SVIL: variants seen among roughly 807,000 people sequenced by gnomAD.
SVIL encodes the protein supervillin.
A neutral mutation model predicts 240.4 loss-of-function variants in SVIL; 101 were observed. The observed-to-expected ratio is 0.42, with a 90% CI of 0.36 to 0.50. The LOEUF is 0.50. Ranked by LOEUF, SVIL falls within the 20% of genes least tolerant of loss-of-function variation. SVIL has a pLI of 0.01. For synonymous variants in SVIL, 999 were observed against 1,100.0 expected (o/e 0.91, Z 1.82); for missense variants, 2,512 against 2,818.7 (o/e 0.89, Z 2.46).
chr10:29,647,957 A>G (rs2250492), intron 3 of SVIL, among the ~76,000 whole-genome samples: 72,108 of 142,270 alleles, frequency 0.51, 18,726 homozygotes, highest in African/African-American at 0.61. Flanking sequence ...AAATGATTAA[A>G]CTTTTGTCAA....
intron 3 of SVIL, chr10:29,657,772 T>C (rs1959049783): frequency 6.6e-6 from 1 of 152,218 alleles, no homozygotes; most frequent in Non-Finnish European, 1.5e-5. Flanking sequence ...ACCATCACAG[T>C]GGCTCAGCTC....
intron 1 of SVIL, among the ~76,000 whole-genome samples, chr10:29,723,072 C>T (rs991798005): frequency 1.3e-5 from 2 of 152,156 alleles, no homozygotes; most frequent in Admixed American, 6.5e-5. Flanking sequence ...TAAAAGTCCT[C>T]CATAAATATT....
intron 1 of SVIL, among the ~76,000 whole-genome samples, chr10:29,623,317 T>G (rs1281094698): frequency 1.3e-5 from 2 of 152,184 alleles, no homozygotes; most frequent in African/African-American, 2.4e-5. Context: ...AAGGTTAAGG[T>G]CTAATTCCTC....
At chr10:29,611,257 T>C (rs542523841) in intron 1 of SVIL, among the ~76,000 whole-genome samples, 1 of 152,194 alleles carries the variant, frequency 6.6e-6, no homozygotes, top group African/African-American at 2.4e-5. Flanking sequence ...GCTTGTTCAT[T>C]ATCTTCAGTA....
intron 16 of SVIL, among the ~76,000 whole-genome samples, chr10:29,517,682 A>G (rs1950307673): frequency 6.6e-6 from 1 of 152,162 alleles, no homozygotes; most frequent in Non-Finnish European, 1.5e-5. Flanking sequence ...AGGGCAGAAC[A>G]CCATAGAGGC....
At chr10:29,660,676 C>T (rs1959131160) in intron 2 of SVIL, among the ~76,000 whole-genome samples, 1 of 152,166 alleles carries the variant, frequency 6.6e-6, no homozygotes, top group Non-Finnish European at 1.5e-5. Flanking sequence ...CTCATCCCTC[C>T]CTCTTCTTAA....
chr10:29,551,502 G>A (rs1336222126), intron 5 of SVIL, among the ~76,000 whole-genome samples: 1 of 152,230 alleles, frequency 6.6e-6, no homozygotes, highest in Non-Finnish European at 1.5e-5. Flanking sequence ...GCCCCGTAAG[G>A]CGTGGCTTTA....
chr10:29,636,373 A>C (rs1392656006), upstream of SVIL, among the ~76,000 whole-genome samples: 3 of 152,224 alleles, frequency 2.0e-5, no homozygotes, highest in East Asian at 5.8e-4. Context: ...AGATAGGAGG[A>C]GAAAATGAAT....
intron 21 of SVIL, among the ~76,000 whole-genome samples, chr10:29,491,237 C>CACTCACTCATGCCCCT (rs1947924406): frequency 6.6e-6 from 1 of 152,176 alleles, no homozygotes; most frequent in Admixed American, 6.5e-5. Context: ...CGGATGCCCC[C>CACTCACTCATGCCCCT]ACTCACTCAT....
Position 29,458,010 on chromosome 10 carries a change from T to G in SVIL, c.*237A>C. 2 of 443,700 alleles carry G rather than the reference T, an allele frequency of 4.5e-6. No homozygotes were observed. Among genetic ancestry groups the G allele is most frequent in the Non-Finnish European group, 4.0e-6 (1 of 251,142 alleles). 27.5% of individuals were successfully genotyped at this position (443,700 alleles called of 1,614,324 possible). A position where few individuals can be genotyped will look rare whatever the true frequency, so the allele number is the denominator to read the frequency against. On this transcript the variant is annotated 3_prime_UTR_variant, in exon 38 of 38. Transcript: ENST00000355867. The stretch of plus-strand genomic sequence containing the variant: ...CTGCGGCTTAAGTGCACATAACAGA[T>G]ACTTTTATTAATTCTGATAACCTCC...
intron 17 of SVIL, among the ~76,000 whole-genome samples, chr10:29,509,207 C>T (rs2132474853): frequency 6.6e-6 from 1 of 151,906 alleles, no homozygotes; most frequent in African/African-American, 2.4e-5. Flanking sequence ...ACGAGACTCA[C>T]ACATGTTTAA....
intron 3 of SVIL, among the ~76,000 whole-genome samples, chr10:29,556,853 C>G (rs1287319821): frequency 2.0e-5 from 3 of 152,026 alleles, no homozygotes; most frequent in African/African-American, 7.2e-5. Flanking sequence ...AAAATATTTT[C>G]AAGGATGACA....
chr10:29,631,191 GC>G (rs1958075822), intron 1 of SVIL, among the ~76,000 whole-genome samples: 1 of 152,240 alleles, frequency 6.6e-6, no homozygotes, highest in African/African-American at 2.4e-5. Context: ...CAGAGCCCAG[GC>G]TTTTGCATGT....
At chr10:29,470,056 G>A (rs1945379443) in intron 32 of SVIL, among the ~76,000 whole-genome samples, 4 of 152,202 alleles carry the variant, frequency 2.6e-5, no homozygotes, top group African/African-American at 9.7e-5. Context: ...CACCCAGCCA[G>A]ATAAATCCTC....
intron 20 of SVIL, 38 bp from the exon 21 acceptor site, chr10:29,493,429 A>G: frequency 6.2e-7 from 1 of 1,608,214 alleles, no homozygotes; most frequent in Non-Finnish European, 8.5e-7. Flanking sequence ...GAGTTTTATA[A>G]AAACAAGGAC....
At chr10:29,699,463 A>G (rs149831734) in intron 1 of SVIL, among the ~76,000 whole-genome samples, 2,341 of 152,016 alleles carry the variant, frequency 0.015, 46 homozygotes, top group East Asian at 0.098. Flanking sequence ...CCACCACACC[A>G]GGCTAATTTT....
chr10:29,466,454 C>T (rs142982444), intron 33 of SVIL, among the ~76,000 whole-genome samples: 66 of 152,186 alleles, frequency 4.3e-4, no homozygotes, highest in African/African-American at 1.1e-3. Flanking sequence ...AAACTTGGCC[C>T]GAGCTGATAC....
Position 29,480,619 on chromosome 10 carries a change from G to A in SVIL, c.5295C>T (p.Ser1765=), listed in dbSNP as rs746950729. The A allele has an allele frequency of 6.2e-7, 1 of 1,614,212 alleles. No individual in the cohort carries two copies. Among genetic ancestry groups the A allele is most frequent in the Non-Finnish European group, 8.5e-7 (1 of 1,180,040 alleles). Residue 1765 remains serine (S), a synonymous_variant, in exon 29 of 38, where the codon AGC becomes AGT. Transcript: ENST00000355867. ...GCCCGATGCTTTGTTTGGGGAGCCTGCTATAGTCGAATTCCAGGATGTGCC... is the reference window on the plus strand; with the variant it reads ...GCCCGATGCTTTGTTTGGGGAGCCTACTATAGTCGAATTCCAGGATGTGCC... ...DVWHILEFDY[S]RLPKQSIGQF... is the part of the protein sequence containing the mutation.
intron 1 of SVIL, among the ~76,000 whole-genome samples, chr10:29,704,030 G>A (rs890545018): frequency 2.6e-5 from 4 of 151,984 alleles, no homozygotes; most frequent in Non-Finnish European, 2.9e-5. Flanking sequence ...CTCGAATTCC[G>A]GGCATCAAAT....
Sources: gnomAD v4.1 joint callset for allele counts (sites outside exome capture counted in the v4.1 genomes callset) on GRCh38, gnomAD v4.1.1 for gene constraint, MANE v1.5 for transcripts, NCBI Gene and HGNC (gene_info 2026-07-23, HGNC 2026-07-21) for gene names.